ECE1: variants seen among roughly 807,000 people sequenced by gnomAD.
ECE1 encodes endothelin-converting enzyme 1.
In ECE1, 35 loss-of-function variants were observed where a neutral mutation model predicts 98.6. The observed-to-expected ratio is 0.35, with a 90% CI of 0.27 to 0.47. The LOEUF (loss-of-function observed/expected upper bound fraction) is 0.47. Ranked by LOEUF, ECE1 falls within the 20% of genes least tolerant of loss-of-function variation. The pLI, the probability that ECE1 is intolerant of heterozygous loss-of-function variation, is 1.00. For missense variants in ECE1, 814 were observed against 1,025.3 expected, an observed-to-expected ratio of 0.79 and a Z score of 2.81; for synonymous variants, 394 against 407.1, an observed-to-expected ratio of 0.97 and a Z score of 0.39.
At chr1:21,245,773 G>A (rs964954859) in intron 9 of ECE1, among the ~76,000 whole-genome samples, 5 of 152,184 alleles carry the variant, frequency 3.3e-5, no homozygotes, top group Non-Finnish European at 5.9e-5. Flanking sequence ...GTTTGCAGAG[G>A]TTTTGAGATG....
chr1:21,342,657 A>C (rs1639424369), intron 1 of ECE1, among the ~76,000 whole-genome samples: 1 of 150,658 alleles, frequency 6.6e-6, no homozygotes, highest in African/African-American at 2.5e-5. Flanking sequence ...CGCCCTGCAA[A>C]CGCGCCGCAT....
At position 21,225,154 on chromosome 1, in the gene ECE1, G is replaced by A; in HGVS notation, c.2040+96C>T. 6.6e-7 allele frequency: 1 copy of A among 1,507,702 alleles called. No homozygotes were observed. The highest frequency in any genetic ancestry group is 1.2e-5 in the South Asian group (1 of 85,354). 93.4% of individuals were successfully genotyped at this position (1,507,702 alleles called of 1,614,324 possible). The stretch of plus-strand genomic sequence containing the variant: ...GGAAACGGAAGCTCGCACGGCTGCT[G>A]CGCCTGCCCTGGTTGTCCGTGATGA... On this transcript the variant is annotated intron_variant, in intron 17 of 18. Coordinates refer to ENST00000374893, the MANE Select transcript of ECE1 (RefSeq NM_001397.3). This position sits in a 1 kb window ranked among gnomAD's most constrained non-coding sequence, Gnocchi z 5.3.
At chr1:21,316,569 C>T (rs182516695) in intron 1 of ECE1, among the ~76,000 whole-genome samples, 218 of 152,188 alleles carry the variant, frequency 1.4e-3, no homozygotes, top group African/African-American at 4.7e-3. Context: ...CCACCATCCT[C>T]GGCCTGATTC....
chr1:21,277,908 C>T (rs941789758), intron 3 of ECE1, among the ~76,000 whole-genome samples: 2 of 152,112 alleles, frequency 1.3e-5, no homozygotes, highest in African/African-American at 4.8e-5. Context: ...TGTGCCTTAC[C>T]CAGGAGGGAT....
intron 1 of ECE1, among the ~76,000 whole-genome samples, chr1:21,324,678 AG>A (rs1639038059): frequency 6.6e-6 from 1 of 152,216 alleles, no homozygotes; most frequent in Middle Eastern, 3.2e-3. Context: ...GTCAGGCAGA[AG>A]GAGCCCGCGG....
At chr1:21,321,845 A>G (rs1164560419) in intron 1 of ECE1, among the ~76,000 whole-genome samples, 1 of 152,160 alleles carries the variant, frequency 6.6e-6, no homozygotes, top group East Asian at 1.9e-4. Context: ...CGAACTCCTG[A>G]CCTCAAGTGA....
intron 4 of ECE1, among the ~76,000 whole-genome samples, chr1:21,263,899 A>G (rs893671153): frequency 6.6e-6 from 1 of 152,120 alleles, no homozygotes; most frequent in Non-Finnish European, 1.5e-5. Context: ...CTCCTCACTC[A>G]GGGAGCACCT....
At chr1:21,272,170 C>T (rs977993689) in intron 4 of ECE1, among the ~76,000 whole-genome samples, 5 of 152,156 alleles carry the variant, frequency 3.3e-5, no homozygotes, top group African/African-American at 9.7e-5. Context: ...TCTCATTTTA[C>T]AGATGAAGAA....
At chr1:21,262,478 C>A (rs1490451452) in intron 4 of ECE1, among the ~76,000 whole-genome samples, 1 of 152,230 alleles carries the variant, frequency 6.6e-6, no homozygotes, top group Non-Finnish European at 1.5e-5. Context: ...CGTCATTGCT[C>A]CCCAGGCCTC....
At chr1:21,289,986 G>C in intron 2 of ECE1, 84 bp downstream of exon 2, 1 of 1,246,872 alleles carries the variant, frequency 8.0e-7, no homozygotes. Context: ...GGCGGGGTAG[G>C]TAGGGGCGGG....
chr1:21,340,900 G>A lies in ECE1; in HGVS notation c.3+4476C>T, dbSNP rs1164079999. Among the ~76,000 whole-genome samples the A allele has an allele frequency of 6.7e-6, 1 of 150,320 alleles. No homozygotes were observed. The highest frequency in any genetic ancestry group is 1.5e-5 in the Non-Finnish European group (1 of 67,768). On this transcript the variant is annotated intron_variant, in intron 1 of 18. Transcript: ENST00000415912. The surrounding 1 kb of genome is among the most constrained non-coding windows in gnomAD (Gnocchi z 4.6). ...GTGGCTCCCCACTGCCCTAAGGATTGAGCCCCAGGTCCTTCATATGACCAT... is the reference window on the plus strand; with the variant it reads ...GTGGCTCCCCACTGCCCTAAGGATTAAGCCCCAGGTCCTTCATATGACCAT...
intron 2 of ECE1, among the ~76,000 whole-genome samples, chr1:21,287,399 G>A (rs1349015443): frequency 2.6e-5 from 4 of 152,134 alleles, no homozygotes; most frequent in South Asian, 2.1e-4. Flanking sequence ...GGTGACGTGC[G>A]CCTGTAATCC....
At chr1:21,320,375 C>G (rs1401416937) in intron 1 of ECE1, among the ~76,000 whole-genome samples, 1 of 152,114 alleles carries the variant, frequency 6.6e-6, no homozygotes, top group Non-Finnish European at 1.5e-5. Flanking sequence ...GCGCTAAGCA[C>G]GTTGCCTGCA....
At chr1:21,226,471 G>C (rs28368033) in intron 16 of ECE1, among the ~76,000 whole-genome samples, 7 of 152,040 alleles carry the variant, frequency 4.6e-5, no homozygotes, top group Non-Finnish European at 7.4e-5. Context: ...AGATCCTTCT[G>C]CCTCCAAAGC....
intron 8 of ECE1, among the ~76,000 whole-genome samples, chr1:21,252,122 T>C (rs1331549005): frequency 6.6e-6 from 1 of 152,224 alleles, no homozygotes; most frequent in African/African-American, 2.4e-5. Context: ...CAACTGGAAC[T>C]CTCTGATCAA....
In ECE1 at chr1:21,233,539, AG is replaced by A. The variant is rs760287949; in HGVS notation, c.1670+18del. 2 of 1,611,154 alleles carry A rather than the reference AG, an allele frequency of 1.2e-6. No individual in the cohort carries two copies. The highest frequency in any genetic ancestry group is 1.7e-6 in the Non-Finnish European group (2 of 1,178,514). Reference sequence around the variant, plus strand: ...GGTGGGGAGCTGGCACCTTGCCGGCAGGGCCTGGGGGAACTCACTGATCTCT... The same window carrying A: ...GGTGGGGAGCTGGCACCTTGCCGGCAGGCCTGGGGGAACTCACTGATCTCT... On this transcript the variant is annotated intron_variant, in intron 14 of 18. Transcript: ENST00000374893. The surrounding 1 kb of genome is among the most constrained non-coding windows in gnomAD (Gnocchi z 4.0).
chr1:21,343,020 A>G (rs940104175), intron 1 of ECE1, among the ~76,000 whole-genome samples: 3 of 152,078 alleles, frequency 2.0e-5, no homozygotes, highest in Non-Finnish European at 4.4e-5. Flanking sequence ...TGGCCTTTCC[A>G]GGAGCCTGTC....
At chr1:21,303,001 C>A (rs1325733894) in intron 1 of ECE1, among the ~76,000 whole-genome samples, 3 of 152,224 alleles carry the variant, frequency 2.0e-5, no homozygotes, top group Admixed American at 2.0e-4. Flanking sequence ...CAGCCAGGCT[C>A]CTGCTATTTC....
intron 1 of ECE1, among the ~76,000 whole-genome samples, chr1:21,318,518 C>T (rs570286371): frequency 6.6e-6 from 1 of 152,098 alleles, no homozygotes; most frequent in African/African-American, 2.4e-5. Flanking sequence ...TTGGGGCAGA[C>T]ATTTCTCCGC....
Sources: allele counts gnomAD v4.1 joint callset (sites outside exome capture counted in the v4.1 genomes callset), GRCh38; gene constraint gnomAD v4.1.1; non-coding constraint Gnocchi (gnomAD v3.1); transcripts MANE v1.5; gene names NCBI Gene and HGNC (gene_info 2026-07-23, HGNC 2026-07-21).